SLC25A31: variants seen among roughly 807,000 people sequenced by gnomAD.
SLC25A31 encodes the protein ADP/ATP translocase 4.
Under a neutral mutation model 36.2 loss-of-function variants are expected in SLC25A31, and 40 were observed. The observed-to-expected ratio is 1.10, with a 90% confidence interval of 0.86 to 1.44. SLC25A31 has a LOEUF of 1.44. SLC25A31 is among the 40% of genes most tolerant of loss of function. The pLI is 0.00. For missense variants in SLC25A31, 350 were observed against 397.1 expected, an observed-to-expected ratio of 0.88 and a Z score of 1.01; for synonymous variants, 143 against 149.7, an observed-to-expected ratio of 0.96 and a Z score of 0.32.
At chr4:127,749,708 C>CAA (rs34540386) in intron 2 of SLC25A31, among the ~76,000 whole-genome samples, 2 of 106,150 alleles carry the variant, frequency 1.9e-5, no homozygotes, top group South Asian at 3.2e-4. Flanking sequence ...GACTCCATCT[C>CAA]AAAAAAAAAA....
rs1731493127 is a variant in SLC25A31 at position 127,730,468 on chromosome 4, C to A, written c.-78C>A. On this transcript the variant is annotated 5_prime_UTR_variant, in exon 1 of 6. Coordinates refer to ENST00000281154, the MANE Select transcript of SLC25A31 (RefSeq NM_031291.4). Reference sequence around the variant, plus strand: ...CCAGTACGATGCTGCAGCGGTTTTCCGGTTTTCCGCTTCCCTTCATCGTAG... The same window carrying A: ...CCAGTACGATGCTGCAGCGGTTTTCAGGTTTTCCGCTTCCCTTCATCGTAG... 1 of 1,457,072 alleles carries A rather than the reference C, an allele frequency of 6.9e-7. No individual in the cohort carries two copies. Among genetic ancestry groups the A allele is most frequent in the Non-Finnish European group, 9.5e-7 (1 of 1,057,444 alleles). The allele number at this position is 1,457,072 out of a possible 1,614,324, so 90.3% of individuals were successfully genotyped here.
chr4:127,759,212 G>GT (rs769362194), intron 2 of SLC25A31, among the ~76,000 whole-genome samples: 5,923 of 136,528 alleles, frequency 0.043, 145 homozygotes, highest in South Asian at 0.094. Flanking sequence ...TATTCCTATG[G>GT]TTTTTTTTTT....
chr4:127,738,012 G>A (rs1731666239), intron 1 of SLC25A31, among the ~76,000 whole-genome samples: 1 of 152,110 alleles, frequency 6.6e-6, no homozygotes, highest in African/African-American at 2.4e-5. Context: ...TAGTTAAAAA[G>A]CCATGTGTAA....
chr4:127,767,114 T>C lies in SLC25A31; in HGVS notation c.527T>C (p.Ile176Thr), dbSNP rs1732259325. The C allele has an allele frequency of 1.2e-5, 20 of 1,613,804 alleles. No homozygotes were observed. The highest frequency in any genetic ancestry group is 1.3e-5 in the Non-Finnish European group (15 of 1,179,862). ...GGTTTAGGTGACTGTATTATGAAAA[T>C]AGCAAAATCAGATGGAATTGCTGGT... The part of the protein sequence containing the change: ...FKGLGDCIMK[I>T]AKSDGIAGLY... Residue 176 changes from isoleucine (I) to threonine (T), a missense_variant, in exon 4 of 6, where the codon ATA becomes ACA. Coordinates refer to ENST00000281154, the MANE Select transcript of SLC25A31 (RefSeq NM_031291.4).
intron 4 of SLC25A31, among the ~76,000 whole-genome samples, chr4:127,767,868 C>G (rs545519365): frequency 4.8e-5 from 7 of 145,018 alleles, no homozygotes; most frequent in African/African-American, 1.7e-4. Context: ...AAGAACTTAC[C>G]CATGTAACCA....
intron 2 of SLC25A31, 131 bp from the exon 3 acceptor site, chr4:127,764,112 A>C: frequency 2.8e-6 from 2 of 707,728 alleles, no homozygotes; most frequent in Non-Finnish European, 4.7e-6. Flanking sequence ...ATGCATTATT[A>C]TAGATGTTTA....
chr4:127,732,269 C>G (rs907243777), intron 1 of SLC25A31, among the ~76,000 whole-genome samples: 4 of 152,106 alleles, frequency 2.6e-5, no homozygotes, highest in African/African-American at 9.7e-5. Flanking sequence ...CACCTTGTAC[C>G]CTAGGAATGC....
intron 1 of SLC25A31, among the ~76,000 whole-genome samples, chr4:127,739,623 T>C (rs2148754289): frequency 6.6e-6 from 1 of 152,286 alleles, no homozygotes; most frequent in East Asian, 1.9e-4. Context: ...CTGGATTTCT[T>C]GTATCTGGAC....
At chr4:127,772,008 A>G (rs1480464492) in intron 5 of SLC25A31, among the ~76,000 whole-genome samples, 2 of 152,210 alleles carry the variant, frequency 1.3e-5, no homozygotes, top group Non-Finnish European at 2.9e-5. Flanking sequence ...TTTTGCATCC[A>G]TGTTTAATGA....
Position 127,773,487 on chromosome 4 carries a change from T to A in SLC25A31, c.861T>A (p.Asn287Lys), listed in dbSNP as rs139762125. ...CCTTTTTTCGTGGCGCCTTCTCCAA[T>A]GTTCTTCGCGGTACAGGGGGTGCTT... is the stretch of plus-strand genomic sequence containing the variant. ...ISSFFRGAFSNVLRGTGGALV... is the reference protein window; with the variant it reads ...ISSFFRGAFSKVLRGTGGALV... Residue 287 changes from asparagine to lysine, a missense_variant, in exon 6 of 6, where the codon AAT (asparagine) becomes AAA (lysine). By Grantham distance (94) the Asn-to-Lys change is moderately conservative (BLOSUM62 0). Transcript: ENST00000281154. 3 of 1,614,018 alleles carry A rather than the reference T, an allele frequency of 1.9e-6. No individual in the cohort carries two copies. The African/African-American group carries it at 4.0e-5, about 22-fold the overall frequency.
chr4:127,743,316 T>C (rs1034513841), intron 1 of SLC25A31, among the ~76,000 whole-genome samples: 1 of 152,064 alleles, frequency 6.6e-6, no homozygotes, highest in Admixed American at 6.6e-5. Context: ...TTTAATTTTT[T>C]GTAGAGATGC....
chr4:127,741,642 A>G (rs1731734455), intron 1 of SLC25A31, among the ~76,000 whole-genome samples: 1 of 152,000 alleles, frequency 6.6e-6, no homozygotes, highest in Non-Finnish European at 1.5e-5. Context: ...GGATTTTTGC[A>G]TGTTTGTTCA....
intron 2 of SLC25A31, among the ~76,000 whole-genome samples, chr4:127,762,342 G>C (rs1732156822): frequency 6.6e-6 from 1 of 152,140 alleles, no homozygotes; most frequent in South Asian, 2.1e-4. Context: ...TGTGTCTTAT[G>C]TGATTCCATT....
chr4:127,770,835 T>C (rs1031507967), intron 5 of SLC25A31, among the ~76,000 whole-genome samples: 1 of 152,022 alleles, frequency 6.6e-6, no homozygotes, highest in Non-Finnish European at 1.5e-5. Context: ...AGGCTACAAG[T>C]CTGAGATCAA....
intron 1 of SLC25A31, among the ~76,000 whole-genome samples, chr4:127,736,280 A>G (rs1731631944): frequency 6.6e-6 from 1 of 152,214 alleles, no homozygotes; most frequent in Non-Finnish European, 1.5e-5. Flanking sequence ...TTAGGTTCAG[A>G]GCAGGTTTTT....
intron 2 of SLC25A31, among the ~76,000 whole-genome samples, chr4:127,759,658 C>T (rs755907622): frequency 1.1e-4 from 17 of 152,046 alleles, no homozygotes; most frequent in Non-Finnish European, 7.4e-5. Context: ...TGTTAAACTA[C>T]TGAGAGGGGA....
chr4:127,769,606 G>A (rs1333693234), intron 5 of SLC25A31, among the ~76,000 whole-genome samples: 26 of 152,152 alleles, frequency 1.7e-4, no homozygotes, highest in Admixed American at 1.7e-3. Context: ...GCAAATATTT[G>A]CATGCTTCAT....
intron 5 of SLC25A31, 108 bp from the exon 6 acceptor site, chr4:127,773,278 T>A: frequency 1.0e-6 from 1 of 984,476 alleles, no homozygotes. Context: ...ATTAACACAG[T>A]GCTACTCAAC....
chr4:127,745,673 A>T (rs897269995), intron 2 of SLC25A31, among the ~76,000 whole-genome samples: 1 of 151,920 alleles, frequency 6.6e-6, no homozygotes, highest in Non-Finnish European at 1.5e-5. Flanking sequence ...TTGTTCATTG[A>T]ATGTTTTGCC....
Sources: gnomAD v4.1 joint callset for allele counts (sites outside exome capture counted in the v4.1 genomes callset) on GRCh38, gnomAD v4.1.1 for gene constraint, MANE v1.5 for transcripts, NCBI Gene and HGNC (gene_info 2026-07-23, HGNC 2026-07-21) for gene names.